Variants in PBRM1 observed in about 807,000 individuals in gnomAD.
The protein encoded by PBRM1 is protein polybromo-1.
PBRM1 carries 27 observed loss-of-function variants against 194.5 expected under a neutral mutation model. The ratio of observed to expected loss-of-function variants is 0.14; its 90% CI spans 0.10 to 0.19. The LOEUF (loss-of-function observed/expected upper bound fraction) is 0.19. Ranked by LOEUF, PBRM1 falls within the 10% of genes least tolerant of loss-of-function variation. The pLI is 1.00. For synonymous variants in PBRM1, 655 were observed against 693.2 expected (o/e 0.94, Z 0.87); for missense variants, 1,466 against 2,077.2 (o/e 0.71, Z 5.72).
chr3:52,588,548 CTTTCTTT>C lies in PBRM1; in HGVS notation c.2965+515_2965+521del, dbSNP rs1298866181. Among the ~76,000 whole-genome samples, 53 of 136,794 alleles carry C rather than the reference CTTTCTTT, an allele frequency of 3.9e-4. 1 individual carries two copies. The highest frequency in any genetic ancestry group is 1.1e-3 in the African/African-American group (42 of 36,524). The allele number at this position is 136,794 out of a possible 152,430, so 89.7% of individuals were successfully genotyped here. On this transcript the variant is annotated intron_variant, in intron 18 of 29. Transcript: ENST00000296302. ...AACCAGACTTTAAGAAGCTGTATTTCTTTCTTTTTTTTTTTTTTTTTTTTTGAGACAG... is the reference window on the plus strand; with the variant it reads ...AACCAGACTTTAAGAAGCTGTATTTCTTTTTTTTTTTTTTTTTTGAGACAG...
At chr3:52,643,566 A>G (rs2096188508) in intron 8 of PBRM1, among the ~76,000 whole-genome samples, 1 of 152,212 alleles carries the variant, frequency 6.6e-6, no homozygotes, top group South Asian at 2.1e-4. Context: ...CAGTGACCAG[A>G]GGACCTGGTA....
At chr3:52,635,903 C>T (rs373160302) in intron 10 of PBRM1, among the ~76,000 whole-genome samples, 3 of 151,942 alleles carry the variant, frequency 2.0e-5, no homozygotes, top group African/African-American at 7.3e-5. Context: ...CTCACTCTGT[C>T]GCCAGGCTGG....
At chr3:52,663,720 T>A (rs1380904942) in intron 3 of PBRM1, among the ~76,000 whole-genome samples, 2 of 152,176 alleles carry the variant, frequency 1.3e-5, no homozygotes, top group African/African-American at 4.8e-5. Flanking sequence ...ATTATCAGAA[T>A]AATCTACCAT....
At chr3:52,554,980 C>A (rs2081926092) in intron 26 of PBRM1, 101 bp from the exon 29 acceptor site, 17 of 836,466 alleles carry the variant, frequency 2.0e-5, no homozygotes, top group Non-Finnish European at 2.7e-5. Flanking sequence ...AATAAAGCAC[C>A]CTTAGTACTG....
chr3:52,571,297 T>C (rs1399523486), intron 22 of PBRM1, among the ~76,000 whole-genome samples: 1 of 133,884 alleles, frequency 7.5e-6, no homozygotes, highest in Non-Finnish European at 1.5e-5. Context: ...CACTGCAGCC[T>C]GGACGACAGA....
chr3:52,554,638 C>T (rs138006892), intron 27 of PBRM1, 86 bp downstream of exon 29: 86 of 1,215,774 alleles, frequency 7.1e-5, no homozygotes, highest in Middle Eastern at 2.1e-4. Flanking sequence ...CAATGGGCCA[C>T]GGGTGCCTCC....
chr3:52,637,961 A>G (rs914807678), intron 10 of PBRM1, among the ~76,000 whole-genome samples: 2 of 151,982 alleles, frequency 1.3e-5, no homozygotes, highest in African/African-American at 4.8e-5. Flanking sequence ...GAAAAGAAAA[A>G]AGAAAAAAAG....
chr3:52,670,845 G>A (rs1026613148), intron 2 of PBRM1, among the ~76,000 whole-genome samples: 2 of 152,184 alleles, frequency 1.3e-5, no homozygotes, highest in Admixed American at 6.5e-5. Flanking sequence ...CAGCCTATGT[G>A]ACATGGTAAA....
chr3:52,638,003 A>ACTAGTTAGCAAATAAT (rs2095894028), intron 10 of PBRM1, among the ~76,000 whole-genome samples: 1 of 152,092 alleles, frequency 6.6e-6, no homozygotes, highest in Non-Finnish European at 1.5e-5. Context: ...CCCCTCTCTT[A>ACTAGTTAGCAAATAAT]CTAGTTAGCA....
chr3:52,602,766 T>C (rs892285306), intron 17 of PBRM1, among the ~76,000 whole-genome samples: 6 of 152,220 alleles, frequency 3.9e-5, no homozygotes, highest in African/African-American at 1.4e-4. Flanking sequence ...CAGTTAGTTC[T>C]ATGCTGGCAA....
chr3:52,642,101 C>T, intron 9 of PBRM1, 56 bp from the exon 11 acceptor site: 1 of 908,640 alleles, frequency 1.1e-6, no homozygotes, highest in Non-Finnish European at 1.8e-6. Flanking sequence ...AATTAGGTTA[C>T]TTTACAGGGA....
chr3:52,566,462 T>C (rs1171086578), intron 22 of PBRM1, among the ~76,000 whole-genome samples: 1 of 152,192 alleles, frequency 6.6e-6, no homozygotes, highest in Non-Finnish European at 1.5e-5. Context: ...AGTATACATA[T>C]AATGGAATAT....
intron 17 of PBRM1, among the ~76,000 whole-genome samples, chr3:52,600,642 T>TA (rs2093925856): frequency 6.6e-6 from 1 of 152,208 alleles, no homozygotes; most frequent in Admixed American, 6.5e-5. Flanking sequence ...TGGAATCTGA[T>TA]AAATTACTTT....
chr3:52,652,577 C>G (rs1191534139), intron 5 of PBRM1, among the ~76,000 whole-genome samples: 1 of 151,738 alleles, frequency 6.6e-6, no homozygotes, highest in African/African-American at 2.4e-5. Context: ...ATAGTCCCAG[C>G]TACTCTGGAG....
chr3:52,670,532 T>C (rs1578143182), intron 2 of PBRM1, among the ~76,000 whole-genome samples: 1 of 152,186 alleles, frequency 6.6e-6, no homozygotes, highest in African/African-American at 2.4e-5. Context: ...CTTTCAACAA[T>C]AGATGAGGGC....
At chr3:52,683,117 C>T (rs1302039240), upstream of PBRM1, among the ~76,000 whole-genome samples, 1 of 151,840 alleles carries the variant, frequency 6.6e-6, no homozygotes, top group Non-Finnish European at 1.5e-5. Context: ...GCAGGAGAAT[C>T]GCTTGAACCC....
rs142779482 is a variant in PBRM1, at chr3:52,562,387, T to C, written c.4087-419A>G. On this transcript the variant is annotated intron_variant, in intron 24 of 29. Transcript: ENST00000296302. ...ACACGTGATTCACTAGTTACTGCTT[T>C]ATTGACACGTTTGGTTTATAGCTGG... is the stretch of plus-strand genomic sequence containing the variant. 3.9e-5 allele frequency among the ~76,000 whole-genome samples: 6 copies of C among 152,120 alleles called. No individual in the cohort carries two copies. The East Asian group carries it at 1.2e-3, about 29-fold the overall frequency.
At chr3:52,601,635 T>C (rs963076287) in intron 17 of PBRM1, among the ~76,000 whole-genome samples, 1 of 151,956 alleles carries the variant, frequency 6.6e-6, no homozygotes, top group Admixed American at 6.6e-5. Context: ...CATAAAGTAC[T>C]GCTGGGGACT....
At chr3:52,559,718 C>T (rs1236067516) in intron 25 of PBRM1, among the ~76,000 whole-genome samples, 1 of 152,064 alleles carries the variant, frequency 6.6e-6, no homozygotes, top group African/African-American at 2.4e-5. Flanking sequence ...AATCAAAGGC[C>T]TCTTGGCTGT....
Sources: gnomAD v4.1 joint callset for allele counts (sites outside exome capture counted in the v4.1 genomes callset) on GRCh38, gnomAD v4.1.1 for gene constraint, MANE v1.5 for transcripts, NCBI Gene and HGNC (gene_info 2026-07-23, HGNC 2026-07-21) for gene names.